The following FBXO42 variants were observed in gnomAD, a reference collection of about 807,000 sequenced individuals.
The protein encoded by FBXO42 is F-box protein 42, also known as F-box only protein 42.
FBXO42 carries 12 observed loss-of-function variants against 71.7 expected under a neutral mutation model. The ratio of observed to expected loss-of-function variants is 0.17; its 90% CI spans 0.11 to 0.27. FBXO42 has a LOEUF of 0.27. Ranked by LOEUF, FBXO42 falls within the 10% of genes least tolerant of loss-of-function variation. The pLI, the probability that FBXO42 is intolerant of heterozygous loss-of-function variation, is 1.00. For missense variants in FBXO42, 707 were observed against 911.9 expected (o/e 0.78, Z 2.89); for synonymous variants, 325 against 327.5 (o/e 0.99, Z 0.08).
At chr1:16,326,683 CAAAAAAA>C (rs397860543) in intron 1 of FBXO42, among the ~76,000 whole-genome samples, 9 of 103,114 alleles carry the variant, frequency 8.7e-5, no homozygotes, top group Non-Finnish European at 1.8e-4. Context: ...AACCCTGTCT[CAAAAAAA>C]AAAAAAAAAA....
Position 16,283,942 on chromosome 1 carries a change from GA to G in FBXO42, c.502+10840del, listed in dbSNP as rs1406329297. 3.9e-5 allele frequency among the ~76,000 whole-genome samples: 6 copies of G among 152,018 alleles called. No homozygotes were observed. In the Middle Eastern group the frequency reaches 0.01, roughly 259 times the overall value. On this transcript the variant is annotated intron_variant, in intron 4 of 9. Coordinates refer to ENST00000375592, the MANE Select transcript of FBXO42 (RefSeq NM_018994.3). Reference sequence around the variant, plus strand: ...ACTTCTATCTTGATTTAAAGTAACCGAAAAAGGCAGTATGACTTACGTTGAC... The same window carrying G: ...ACTTCTATCTTGATTTAAAGTAACCGAAAAGGCAGTATGACTTACGTTGAC...
intron 4 of FBXO42, among the ~76,000 whole-genome samples, chr1:16,284,968 T>TCAAAAAACAAAA (rs71003266): frequency 0.35 from 51,988 of 149,276 alleles, 9,520 homozygotes; most frequent in African/African-American, 0.41. Context: ...AAACTCTGTC[T>TCAAAAAACAAAA]CAAAAAACAA....
intron 1 of FBXO42, among the ~76,000 whole-genome samples, chr1:16,340,251 T>G (rs12138708): frequency 6.6e-6 from 1 of 150,538 alleles, no homozygotes; most frequent in Non-Finnish European, 1.5e-5. Flanking sequence ...TTCAGAAAAA[T>G]AGGCATGAAA....
rs371985596 is a variant in FBXO42 at position 16,345,717 on chromosome 1, G to T, written c.-18+6538C>A. Among the ~76,000 whole-genome samples, 6 of 151,634 alleles carry T rather than the reference G, an allele frequency of 4.0e-5. No homozygotes were observed. The South Asian group carries it at 1.2e-3, about 32-fold the overall frequency. ...ATAAAAATTAGCTGGGCATGGTGGC[G>T]GGCGCCTGTAGTCCCAGCTACTCGG... On this transcript the variant is annotated intron_variant, in intron 1 of 9. Transcript: ENST00000375592.
At chr1:16,318,496 A>T (rs994125781) in intron 1 of FBXO42, among the ~76,000 whole-genome samples, 6 of 152,186 alleles carry the variant, frequency 3.9e-5, no homozygotes, top group African/African-American at 1.2e-4. Flanking sequence ...AATTTTAAAA[A>T]TGTCTTGCTT....
intron 4 of FBXO42, among the ~76,000 whole-genome samples, chr1:16,277,992 T>C (rs1358565262): frequency 6.7e-6 from 1 of 149,642 alleles, no homozygotes; most frequent in African/African-American, 2.5e-5. Context: ...CAGTAAACCA[T>C]GTTCGTGCCA....
At chr1:16,331,479 G>C (rs2082500129) in intron 1 of FBXO42, among the ~76,000 whole-genome samples, 1 of 151,446 alleles carries the variant, frequency 6.6e-6, no homozygotes, top group Non-Finnish European at 1.5e-5. Flanking sequence ...AACCGGCTTG[G>C]TGCGGTGGCT....
intron 4 of FBXO42, among the ~76,000 whole-genome samples, chr1:16,283,659 G>A (rs1315507296): frequency 1.3e-5 from 2 of 151,884 alleles, no homozygotes. Flanking sequence ...ACCATGCCCA[G>A]CTACTTTTTG....
chr1:16,276,572 T>G (rs2081905983), intron 4 of FBXO42, among the ~76,000 whole-genome samples: 1 of 152,136 alleles, frequency 6.6e-6, no homozygotes, highest in Non-Finnish European at 1.5e-5. Flanking sequence ...GACTCAGGGA[T>G]AGTATCTTGC....
At chr1:16,268,230 T>C (rs986935544) in intron 4 of FBXO42, among the ~76,000 whole-genome samples, 15 of 152,206 alleles carry the variant, frequency 9.9e-5, no homozygotes, top group Admixed American at 2.6e-4. Context: ...AAAATCCTTG[T>C]CAGCCCTGAG....
chr1:16,252,179 C>T lies in FBXO42; in HGVS notation c.1038+109G>A, dbSNP rs1412998972. On this transcript the variant is annotated intron_variant, in intron 9 of 9. Coordinates refer to ENST00000375592, the MANE Select transcript of FBXO42 (RefSeq NM_018994.3). This position sits in a 1 kb window ranked among gnomAD's most constrained non-coding sequence, Gnocchi z 4.4. Reference sequence around the variant, plus strand: ...GCTAATGTTCACCTCTTTTGTGACACCAAGGTGTTTTCTATTTTTGTACAA... The same window carrying T: ...GCTAATGTTCACCTCTTTTGTGACATCAAGGTGTTTTCTATTTTTGTACAA... 2 of 852,168 alleles carry T rather than the reference C, an allele frequency of 2.3e-6. No individual in the cohort carries two copies. Among genetic ancestry groups the T allele is most frequent in the African/African-American group, 3.4e-5 (2 of 59,464 alleles). 52.8% of individuals were successfully genotyped at this position (852,168 alleles called of 1,614,324 possible).
At chr1:16,301,217 C>T (rs1447711475) in intron 3 of FBXO42, among the ~76,000 whole-genome samples, 1 of 152,030 alleles carries the variant, frequency 6.6e-6, no homozygotes, top group Admixed American at 6.6e-5. Context: ...GGCCTTTTTA[C>T]TTCACCTGAC....
chr1:16,258,206 A>C (rs2081667101), intron 4 of FBXO42, among the ~76,000 whole-genome samples: 1 of 152,108 alleles, frequency 6.6e-6, no homozygotes, highest in African/African-American at 2.4e-5. Context: ...TGTCACTTAC[A>C]AAGTCTCAAG....
chr1:16,272,124 C>T (rs1309705939), intron 4 of FBXO42, among the ~76,000 whole-genome samples: 1 of 131,756 alleles, frequency 7.6e-6, no homozygotes, highest in Admixed American at 8.2e-5. Flanking sequence ...CACTGCACTC[C>T]AGCCTGGGGG....
At chr1:16,281,885 G>A (rs2081967383) in intron 4 of FBXO42, among the ~76,000 whole-genome samples, 1 of 151,758 alleles carries the variant, frequency 6.6e-6, no homozygotes, top group Non-Finnish European at 1.5e-5. Context: ...TCAAACTCTT[G>A]ACCTCAAGTG....
At chr1:16,276,901 T>TAC (rs1419946373) in intron 4 of FBXO42, among the ~76,000 whole-genome samples, 2 of 152,226 alleles carry the variant, frequency 1.3e-5, no homozygotes, top group Non-Finnish European at 2.9e-5. Context: ...TCACTGACAC[T>TAC]ACTAAAATAA....
intron 1 of FBXO42, among the ~76,000 whole-genome samples, chr1:16,347,988 G>A (rs531523163): frequency 6.0e-5 from 8 of 132,526 alleles, no homozygotes; most frequent in Non-Finnish European, 9.4e-5. Flanking sequence ...CCGAGACTCC[G>A]TCTCAAAAAA....
At chr1:16,332,127 T>C (rs926109628) in intron 1 of FBXO42, among the ~76,000 whole-genome samples, 2 of 152,192 alleles carry the variant, frequency 1.3e-5, no homozygotes, top group Non-Finnish European at 2.9e-5. Context: ...GTTAGTCACT[T>C]CTGATACAGC....
At chr1:16,269,229 A>G (rs2100467822) in intron 4 of FBXO42, among the ~76,000 whole-genome samples, 1 of 150,412 alleles carries the variant, frequency 6.6e-6, no homozygotes, top group Admixed American at 6.6e-5. Flanking sequence ...CTGGGACTAC[A>G]GGCACATGAT....
Sources: gnomAD v4.1 joint callset for allele counts (sites outside exome capture counted in the v4.1 genomes callset) on GRCh38, gnomAD v4.1.1 for gene constraint, Gnocchi (gnomAD v3.1) non-coding constraint, MANE v1.5 for transcripts, NCBI Gene and HGNC (gene_info 2026-07-23, HGNC 2026-07-21) for gene names.